The following THRA variants were observed in gnomAD, a reference collection of about 807,000 sequenced individuals.
THRA encodes EAR-7.
In THRA, 13 loss-of-function variants were observed where a neutral mutation model predicts 45.0. That is an observed-to-expected ratio of 0.29 (90% CI 0.19 to 0.46). THRA has a LOEUF of 0.46. Among genes scored for constraint, THRA ranks in the 20% least tolerant of loss-of-function variants. The probability of loss-of-function intolerance (pLI) is 1.00; values close to 1 mark genes in which losing one functional copy is unlikely to be tolerated. For missense variants in THRA, 278 were observed against 556.1 expected (o/e 0.50, Z 5.03); for synonymous variants, 195 against 214.0 (o/e 0.91, Z 0.78).
Position 40,089,971 on chromosome 17 carries a change from G to A in THRA, c.*515G>A, listed in dbSNP as rs1987473162. Reference sequence around the variant, plus strand: ...CCTCCTCTGGAGGTTAAAATTTATAGTCATTCTAACTGCACTTTGGAAACC... The same window carrying A: ...CCTCCTCTGGAGGTTAAAATTTATAATCATTCTAACTGCACTTTGGAAACC... On this transcript the variant is annotated 3_prime_UTR_variant, in exon 9 of 9. Coordinates refer to ENST00000450525, the MANE Select transcript of THRA (RefSeq NM_199334.5). This position sits in a 1 kb window ranked among gnomAD's most constrained non-coding sequence, Gnocchi z 6.1. The A allele has an allele frequency of 1.0e-6, 1 of 990,162 alleles. No individual in the cohort carries two copies. Among genetic ancestry groups the A allele is most frequent in the Non-Finnish European group, 1.2e-6 (1 of 832,842 alleles). 61.3% of individuals were successfully genotyped at this position (990,162 alleles called of 1,614,324 possible).
Position 40,089,444 on chromosome 17 carries a change from T to C in THRA, c.1221T>C (p.Asp407=), listed in dbSNP as rs180790992. The C allele has an allele frequency of 5.9e-5, 96 of 1,614,002 alleles. No homozygotes were observed. The highest frequency in any genetic ancestry group is 1.3e-5 in the African/African-American group (1 of 74,992). The change falls in exon 9 of 9, where the codon GAT becomes GAC. Residue 407 remains aspartate, a synonymous_variant. Coordinates refer to ENST00000450525, the MANE Select transcript of THRA (RefSeq NM_199334.5). The surrounding 1 kb of genome is among the most constrained non-coding windows in gnomAD (Gnocchi z 6.1). ...CACTCTTCCTCGAGGTCTTTGAGGA[T>C]CAGGAAGTCTAAAGCCTCAGGCGGC... ...FPPLFLEVFE[D]QEV
intron 6 of THRA, among the ~76,000 whole-genome samples, chr17:40,085,046 A>G (rs1211254044): frequency 6.6e-6 from 1 of 152,194 alleles, no homozygotes; most frequent in Non-Finnish European, 1.5e-5. Context: ...TGCCTTCCTC[A>G]TCGAATTTCC....
chr17:40,092,884 G>A lies in THRA; in HGVS notation c.*3428G>A. ...GGGAGACAGAGTGGTTTAAATAGGG[G>A]AGGAGGGGAAGTTCGGTGATGGGGG... On this transcript the variant is annotated 3_prime_UTR_variant, in exon 9 of 9. Coordinates refer to ENST00000450525, the MANE Select transcript of THRA (RefSeq NM_199334.5). The A allele has an allele frequency of 7.8e-7, 1 of 1,287,900 alleles. No individual in the cohort carries two copies. The highest frequency in any genetic ancestry group is 1.1e-6 in the Non-Finnish European group (1 of 950,404). 79.8% of individuals were successfully genotyped at this position (1,287,900 alleles called of 1,614,324 possible).
intron 4 of THRA, among the ~76,000 whole-genome samples, chr17:40,082,665 G>T (rs919364055): frequency 2.0e-5 from 3 of 151,534 alleles, no homozygotes; most frequent in Non-Finnish European, 4.4e-5. Context: ...CCCGGCCAAG[G>T]GGTGGACCCC....
chr17:40,084,081 G>T lies in THRA; in HGVS notation c.370+99G>T, dbSNP rs535579347. ...TCCAGGGTACCCTCAGAGCCCACAG[G>T]GCAGAGTGGCAATCCAGTCTAGGTC... On this transcript the variant is annotated intron_variant, in intron 5 of 8. Transcript: ENST00000450525. The T allele has an allele frequency of 1.6e-5, 22 of 1,371,736 alleles. No individual in the cohort carries two copies. In the African/African-American group the frequency reaches 2.5e-4, roughly 15 times the overall value. The allele number at this position is 1,371,736 out of a possible 1,614,324, so 85.0% of individuals were successfully genotyped here. A position where few individuals can be genotyped will look rare whatever the true frequency, so the allele number is the denominator to read the frequency against.
At chr17:40,063,602 A>T (rs540186320) in intron 1 of THRA, among the ~76,000 whole-genome samples, 2 of 152,098 alleles carry the variant, frequency 1.3e-5, no homozygotes, top group Non-Finnish European at 2.9e-5. Context: ...GGGAGAGGGA[A>T]GTTCCCCCGC....
chr17:40,076,175 G>A (rs1373006274), intron 2 of THRA, among the ~76,000 whole-genome samples: 1 of 152,206 alleles, frequency 6.6e-6, no homozygotes, highest in Non-Finnish European at 1.5e-5. Flanking sequence ...GGTGTCACCA[G>A]GCACAAGCAG....
chr17:40,074,115 A>C, intron 1 of THRA, 77 bp from the exon 2 acceptor site: 1 of 244,900 alleles, frequency 4.1e-6, no homozygotes, highest in Non-Finnish European at 8.2e-6. Flanking sequence ...AAAGCCCCAA[A>C]TGTTGCCACC....
At chr17:40,064,380 C>A (rs934276650) in intron 1 of THRA, among the ~76,000 whole-genome samples, 1 of 152,242 alleles carries the variant, frequency 6.6e-6, no homozygotes, top group Admixed American at 6.5e-5. Flanking sequence ...ACAAAAGACC[C>A]TGTCACTCAC....
At chr17:40,087,565 C>T (rs950598478) in intron 7 of THRA, among the ~76,000 whole-genome samples, 1 of 152,174 alleles carries the variant, frequency 6.6e-6, no homozygotes, top group African/African-American at 2.4e-5. Flanking sequence ...CCCTCCACAG[C>T]CCCTCATCCT....
intron 4 of THRA, among the ~76,000 whole-genome samples, chr17:40,083,077 C>T (rs1008108976): frequency 2.0e-5 from 3 of 152,102 alleles, no homozygotes; most frequent in Admixed American, 6.5e-5. Flanking sequence ...ACAGCGCCCA[C>T]CACCATGCCC....
intron 2 of THRA, among the ~76,000 whole-genome samples, chr17:40,075,340 CTGT>C (rs1986914521): frequency 6.6e-6 from 1 of 152,194 alleles, no homozygotes; most frequent in African/African-American, 2.4e-5. Context: ...GTGTGGCTGA[CTGT>C]TGCCTAGGAG....
downstream of THRA, chr17:40,093,280 G>A (rs201804757): frequency 3.1e-6 from 5 of 1,613,534 alleles, no homozygotes; most frequent in East Asian, 2.2e-5. The surrounding 1 kb of genome is among the most constrained non-coding windows in gnomAD (Gnocchi z 5.9). Context: ...ATGCCCGAGC[G>A]GTCTGTGGGG....
upstream of THRA, chr17:40,062,483 C>A (rs1035670840): frequency 2.6e-5 from 4 of 151,988 alleles, no homozygotes; most frequent in Non-Finnish European, 5.9e-5. Context: ...GGAGAAGGGA[C>A]CCGAACTCCC....
At chr17:40,084,847 A>T in intron 6 of THRA, 32 bp downstream of exon 6, 5 of 1,609,670 alleles carry the variant, frequency 3.1e-6, no homozygotes, top group Non-Finnish European at 4.2e-6. Context: ...GGAGAGCAGT[A>T]GCCAGGTGGC....
At chr17:40,063,285 A>G (rs924253386) in intron 1 of THRA, among the ~76,000 whole-genome samples, 193 bp downstream of exon 1, 4 of 152,012 alleles carry the variant, frequency 2.6e-5, no homozygotes, top group African/African-American at 9.7e-5. Flanking sequence ...CGCCCTGGGG[A>G]AGGGAGGTGT....
chr17:40,093,510 G>GT (rs1987671215), downstream of THRA: 3 of 1,383,394 alleles, frequency 2.2e-6, no homozygotes, highest in East Asian at 7.5e-5. The surrounding 1 kb of genome is among the most constrained non-coding windows in gnomAD (Gnocchi z 5.9). Flanking sequence ...CTCCCATCCC[G>GT]TAAGACCACC....
intron 1 of THRA, among the ~76,000 whole-genome samples, chr17:40,066,039 C>T (rs1226110566): frequency 6.6e-6 from 1 of 152,226 alleles, no homozygotes; most frequent in African/African-American, 2.4e-5. Flanking sequence ...AGGCCCACCT[C>T]AGAGATGCCC....
At position 40,074,683 on chromosome 17, in the gene THRA, G is replaced by A. The variant is rs999911223; in HGVS notation, c.53+142G>A. On this transcript the variant is annotated intron_variant, in intron 2 of 8. Transcript: ENST00000450525. ...CAAGCCTTCTGCCTACCTTTGTCTG[G>A]CAGATGAAGTCATGTTCAGATGTGA... The A allele has an allele frequency of 2.8e-5, 24 of 844,178 alleles. 1 individual carries two copies. The Middle Eastern group carries it at 1.5e-3, about 54-fold the overall frequency. 52.3% of individuals were successfully genotyped at this position (844,178 alleles called of 1,614,324 possible). A position where few individuals can be genotyped will look rare whatever the true frequency, so the allele number is the denominator to read the frequency against.
Sources: allele counts gnomAD v4.1 joint callset (sites outside exome capture counted in the v4.1 genomes callset), GRCh38; gene constraint gnomAD v4.1.1; non-coding constraint Gnocchi (gnomAD v3.1); transcripts MANE v1.5; gene names NCBI Gene and HGNC (gene_info 2026-07-23, HGNC 2026-07-21).